Variants in PDE11A observed in about 807,000 individuals in gnomAD.
PDE11A encodes phosphodiesterase 11A.
Under a neutral mutation model 100.5 loss-of-function variants are expected in PDE11A, and 100 were observed. That is an observed-to-expected ratio of 1.00 (90% confidence interval 0.85 to 1.18). PDE11A has a LOEUF of 1.18. Among genes scored for constraint, PDE11A ranks in the 50% most tolerant of loss-of-function variants. The pLI is 0.00. For synonymous variants in PDE11A, 381 were observed against 420.8 expected (o/e 0.91, Z 1.16); for missense variants, 1,141 against 1,152.6 (o/e 0.99, Z 0.15).
chr2:177,908,534 T>C (rs920544255), intron 2 of PDE11A, among the ~76,000 whole-genome samples: 1 of 151,904 alleles, frequency 6.6e-6, no homozygotes, highest in Non-Finnish European at 1.5e-5. Context: ...GGGAGGGAAA[T>C]GGCAGAAGAA....
chr2:177,731,333 G>A (rs1018804200), intron 10 of PDE11A, among the ~76,000 whole-genome samples: 7 of 152,262 alleles, frequency 4.6e-5, no homozygotes, highest in Admixed American at 4.6e-4. Flanking sequence ...TTCTATTGGA[G>A]CTTCTGGGGG....
intron 6 of PDE11A, among the ~76,000 whole-genome samples, chr2:177,834,770 C>CT (rs1383873023): frequency 6.6e-6 from 1 of 152,072 alleles, no homozygotes; most frequent in Non-Finnish European, 1.5e-5. Context: ...TGCACCTAAG[C>CT]TTTTTTTTCT....
chr2:177,671,417 T>G lies in PDE11A; in HGVS notation c.2488-1850A>C, dbSNP rs184141407. On this transcript the variant is annotated intron_variant, in intron 17 of 19. Coordinates refer to ENST00000286063, the MANE Select transcript of PDE11A (RefSeq NM_016953.4). ...GGGGGAATCACTGGGGAAACCCACA[T>G]GCTTAGAGTCTTGTTGCAGGAAGGG... Among the ~76,000 whole-genome samples, 26 of 152,228 alleles carry G rather than the reference T, an allele frequency of 1.7e-4. No homozygotes were observed. In the East Asian group the frequency reaches 4.4e-3, roughly 26 times the overall value.
At chr2:177,851,333 C>A (rs2083697540) in intron 5 of PDE11A, among the ~76,000 whole-genome samples, 1 of 151,918 alleles carries the variant, frequency 6.6e-6, no homozygotes, top group African/African-American at 2.4e-5. Flanking sequence ...GGGAATTGAA[C>A]AATGAGAACA....
At chr2:177,904,978 A>G in intron 3 of PDE11A, 120 bp downstream of exon 3, 1 of 718,672 alleles carries the variant, frequency 1.4e-6, no homozygotes, top group Non-Finnish European at 2.6e-6. Flanking sequence ...AATTATACAA[A>G]TAAAAAAGAT....
At chr2:178,086,533 T>C (rs1033369379) in intron 2 of PDE11A, among the ~76,000 whole-genome samples, 4 of 152,234 alleles carry the variant, frequency 2.6e-5, no homozygotes, top group Admixed American at 2.6e-4. Context: ...ATGACCACCC[T>C]ATTTTTATGA....
At chr2:177,815,790 C>T (rs2083028880) in intron 9 of PDE11A, among the ~76,000 whole-genome samples, 1 of 152,218 alleles carries the variant, frequency 6.6e-6, no homozygotes, top group Non-Finnish European at 1.5e-5. Context: ...TGGCTTGACA[C>T]ACAGAATATT....
At position 178,063,823 on chromosome 2, in the gene PDE11A, C is replaced by T. The variant is rs1038664768; in HGVS notation, c.912+7703G>A. 5.9e-5 allele frequency among the ~76,000 whole-genome samples: 9 copies of T among 152,118 alleles called. No individual in the cohort carries two copies. In the South Asian group the frequency reaches 6.2e-4, roughly 11 times the overall value. On this transcript the variant is annotated intron_variant, in intron 1 of 19. Transcript: ENST00000286063. ...CTGGGAGGGGCATTCTCTCCAGGGTCGTAAGCCTCAAATGCTAGAACATCA... is the reference window on the plus strand; with the variant it reads ...CTGGGAGGGGCATTCTCTCCAGGGTTGTAAGCCTCAAATGCTAGAACATCA...
chr2:177,867,675 G>A (rs1362046662), intron 5 of PDE11A, among the ~76,000 whole-genome samples: 4 of 152,188 alleles, frequency 2.6e-5, no homozygotes, highest in East Asian at 3.9e-4. Flanking sequence ...GCAGTGAGCC[G>A]AGATCACCCC....
At chr2:177,878,680 G>T (rs550021583) in intron 4 of PDE11A, among the ~76,000 whole-genome samples, 1 of 152,196 alleles carries the variant, frequency 6.6e-6, no homozygotes, top group African/African-American at 2.4e-5. Context: ...TAAGTGGTTT[G>T]CTGGAAGCCA....
chr2:177,910,057 G>A (rs897719285), intron 2 of PDE11A, among the ~76,000 whole-genome samples: 1 of 152,120 alleles, frequency 6.6e-6, no homozygotes, highest in African/African-American at 2.4e-5. Flanking sequence ...ATTGAATCAT[G>A]GTAACCTCCA....
In PDE11A at chr2:177,690,098, AT is replaced by A. The variant is rs2081020887; in HGVS notation, c.2345+7233del. 2.0e-5 allele frequency among the ~76,000 whole-genome samples: 3 copies of A among 152,278 alleles called. No individual in the cohort carries two copies. The South Asian group carries it at 6.2e-4, about 32-fold the overall frequency. Reference sequence around the variant, plus strand: ...GAAGTGCTATTTGGCTACATTTCTCATTTTTTAGTCAGTTTTGATATCATAT... The same window carrying A: ...GAAGTGCTATTTGGCTACATTTCTCATTTTTAGTCAGTTTTGATATCATAT... On this transcript the variant is annotated intron_variant, in intron 15 of 19. Coordinates refer to ENST00000286063, the MANE Select transcript of PDE11A (RefSeq NM_016953.4).
At chr2:177,853,757 T>G (rs1490838172) in intron 5 of PDE11A, among the ~76,000 whole-genome samples, 1 of 22,060 alleles carries the variant, frequency 4.5e-5, no homozygotes, top group African/African-American at 8.4e-5. Flanking sequence ...TATATATATC[T>G]ATATATGTAT....
At chr2:177,695,107 G>T (rs533016730) in intron 15 of PDE11A, among the ~76,000 whole-genome samples, 4 of 151,352 alleles carry the variant, frequency 2.6e-5, no homozygotes, top group African/African-American at 9.7e-5. Context: ...AAAGCTAAAT[G>T]GGAGTTGTGT....
At chr2:177,750,959 A>G (rs1182727613) in intron 10 of PDE11A, among the ~76,000 whole-genome samples, 1 of 152,096 alleles carries the variant, frequency 6.6e-6, no homozygotes, top group Non-Finnish European at 1.5e-5. Context: ...CCACTGCCCA[A>G]CATTTTTTAA....
chr2:178,059,240 G>A (rs999840385), intron 1 of PDE11A, among the ~76,000 whole-genome samples: 63 of 152,148 alleles, frequency 4.1e-4, no homozygotes, highest in African/African-American at 1.5e-3. Flanking sequence ...TTCTACTGTT[G>A]CCCTCTGTGT....
rs1167968069 is a variant in PDE11A, at chr2:177,942,387, A to G, written c.1072-37200T>C. Among the ~76,000 whole-genome samples, 19 of 145,688 alleles carry G rather than the reference A, an allele frequency of 1.3e-4. No individual in the cohort carries two copies. In the Admixed American group the frequency reaches 1.3e-3, roughly 10 times the overall value. ...ATTATTCCTTACACCATCCATTGAA[A>G]CCATTATTTTTTAAAATTATTTTTT... On this transcript the variant is annotated intron_variant, in intron 2 of 19. Transcript: ENST00000286063.
chr2:177,931,927 A>G (rs1000105601), intron 2 of PDE11A, among the ~76,000 whole-genome samples: 12 of 151,494 alleles, frequency 7.9e-5, no homozygotes, highest in East Asian at 3.9e-4. Flanking sequence ...AAAAAAAAAA[A>G]AAAGAAAGAC....
chr2:177,918,128 G>C (rs983968309), intron 2 of PDE11A, among the ~76,000 whole-genome samples: 1 of 152,168 alleles, frequency 6.6e-6, no homozygotes, highest in African/African-American at 2.4e-5. Context: ...TTTGTGAAGG[G>C]CCAATCATTT....
Sources: allele counts gnomAD v4.1 joint callset (sites outside exome capture counted in the v4.1 genomes callset), GRCh38; gene constraint gnomAD v4.1.1; transcripts MANE v1.5; gene names NCBI Gene and HGNC (gene_info 2026-07-23, HGNC 2026-07-21).